The following GSE1 variants were observed in gnomAD, a reference collection of about 807,000 sequenced individuals.
The protein encoded by GSE1 is Gse1 coiled-coil protein.
GSE1 carries 32 observed loss-of-function variants against 112.6 expected under a neutral mutation model. The ratio of observed to expected loss-of-function variants is 0.28; its 90% CI spans 0.21 to 0.38. The LOEUF (loss-of-function observed/expected upper bound fraction) is 0.38, where lower values mean the gene tolerates loss of function less well. Ranked by LOEUF, GSE1 falls within the 10% of genes least tolerant of loss-of-function variation. GSE1 has a pLI of 1.00. For synonymous variants in GSE1, 1,115 were observed against 735.6 expected, an observed-to-expected ratio of 1.52 and a Z score of -8.35; for missense variants, 2,348 against 1,699.2, an observed-to-expected ratio of 1.38 and a Z score of -6.71.
chr16:85,337,552 G>T (rs12926595), intron 1 of GSE1, among the ~76,000 whole-genome samples: 51 of 139,260 alleles, frequency 3.7e-4, no homozygotes, highest in Middle Eastern at 3.5e-3. Context: ...TGATCCGCCC[G>T]CCTCGGCCTC....
chr16:85,400,556 C>T (rs4493033), intron 2 of GSE1, among the ~76,000 whole-genome samples: 142,119 of 151,026 alleles, frequency 0.94, 67,203 homozygotes, highest in Non-Finnish European at 1. Flanking sequence ...GTGTGTGTTG[C>T]GTGTGGTTGT....
At chr16:85,443,144 G>A (rs72798954) in intron 2 of GSE1, among the ~76,000 whole-genome samples, 25,886 of 152,216 alleles carry the variant, frequency 0.17, 2,888 homozygotes, top group Non-Finnish European at 0.24. Flanking sequence ...AAGGTTTGAG[G>A]TGGAAGTGAA....
chr16:85,177,158 G>A (rs192986152), intron 1 of GSE1, among the ~76,000 whole-genome samples: 66 of 152,318 alleles, frequency 4.3e-4, no homozygotes, highest in Non-Finnish European at 8.4e-4. Flanking sequence ...TTCAAAACTC[G>A]GCCTCCCCTG....
At position 85,309,628 on chromosome 16, in the gene GSE1, G is replaced by A. The variant is rs1040234189; in HGVS notation, c.2284-47835G>A. ...GCCCACCCCCCGGATCTGGCCGGGA[G>A]CAGCTTCCACAGTGCCAGGACCTGT... On this transcript the variant is annotated intron_variant, in intron 1 of 2. Transcript: ENST00000637419. 2.0e-5 allele frequency among the ~76,000 whole-genome samples: 3 copies of A among 152,264 alleles called. No individual in the cohort carries two copies. In the East Asian group the frequency reaches 5.8e-4, roughly 29 times the overall value.
intron 1 of GSE1, among the ~76,000 whole-genome samples, chr16:85,336,459 C>T (rs773340121): frequency 3.9e-5 from 6 of 152,176 alleles, no homozygotes; most frequent in Non-Finnish European, 7.3e-5. Context: ...ATCAGAGGTG[C>T]AGGATTAGGC....
intron 2 of GSE1, among the ~76,000 whole-genome samples, chr16:85,488,914 G>C (rs1282122838): frequency 2.6e-5 from 4 of 152,130 alleles, no homozygotes; most frequent in Admixed American, 2.6e-4. Context: ...CCGGGGGTCA[G>C]ATTTGGGATG....
Position 85,663,365 on chromosome 16 carries a change from T to G in GSE1, c.2395T>G (p.Phe799Val). 6.2e-7 allele frequency: 1 copy of G among 1,613,842 alleles called. No homozygotes were observed. Reference sequence around the variant, plus strand: ...CTAGAAGCTAGAGTTTTTGCAACTTTTTGGCTTGACCACCCAACAGCAGAA... The same window carrying G: ...CTAGAAGCTAGAGTTTTTGCAACTTGTTGGCTTGACCACCCAACAGCAGAA... ...SSEKLEFLQLFGLTTQQQKEE... is the reference protein window; with the variant it reads ...SSEKLEFLQLVGLTTQQQKEE... The change falls in exon 11 of 16, where the codon TTT becomes GTT. Residue 799 changes from phenylalanine to valine, a missense_variant. By Grantham distance (50) the Phe-to-Val change is conservative. Transcript: ENST00000253458.
chr16:85,481,721 A>G (rs2050686647), intron 2 of GSE1, among the ~76,000 whole-genome samples: 1 of 152,190 alleles, frequency 6.6e-6, no homozygotes, highest in South Asian at 2.1e-4. Flanking sequence ...CTGCCGCCAG[A>G]GCAAATGCAT....
chr16:85,443,982 CT>C (rs67916368), intron 2 of GSE1, among the ~76,000 whole-genome samples: 1,870 of 77,552 alleles, frequency 0.024, 24 homozygotes, highest in African/African-American at 0.092. Flanking sequence ...CAAGGGGGCG[CT>C]TTTTTTTTTT....
At chr16:85,171,914 C>A in intron 1 of GSE1, 1 of 614,542 alleles carries the variant, frequency 1.6e-6, no homozygotes, top group Non-Finnish European at 2.0e-6. Context: ...GGAGTTTTCA[C>A]TGGTTCTGTG....
intron 1 of GSE1, among the ~76,000 whole-genome samples, chr16:85,252,272 G>A (rs1906571770): frequency 6.6e-6 from 1 of 152,094 alleles, no homozygotes; most frequent in Non-Finnish European, 1.5e-5. Context: ...GCGATCACCC[G>A]GCCTGGCTCT....
chr16:85,662,631 T>G (rs960772296), intron 9 of GSE1: 6 of 247,368 alleles, frequency 2.4e-5, no homozygotes, highest in East Asian at 9.6e-5. Flanking sequence ...GGCCACAGCA[T>G]GGGGGAGTGC....
intron 1 of GSE1, among the ~76,000 whole-genome samples, chr16:85,344,057 G>T (rs770485995): frequency 1.3e-5 from 2 of 152,216 alleles, no homozygotes; most frequent in Non-Finnish European, 2.9e-5. Context: ...CAGCGGCTGT[G>T]CTGAGGACGC....
intron 1 of GSE1, among the ~76,000 whole-genome samples, chr16:85,625,735 G>A (rs908064303): frequency 3.9e-5 from 6 of 152,182 alleles, no homozygotes; most frequent in African/African-American, 7.2e-5. Context: ...CGTGGGGCTC[G>A]GGCAGAATAT....
At chr16:85,362,233 G>A (rs911755920) in intron 2 of GSE1, among the ~76,000 whole-genome samples, 3 of 152,228 alleles carry the variant, frequency 2.0e-5, no homozygotes, top group African/African-American at 7.2e-5. Flanking sequence ...GGGCGGGTGA[G>A]CAGTTGAGCT....
At chr16:85,291,296 C>T (rs1314926207) in intron 1 of GSE1, among the ~76,000 whole-genome samples, 1 of 152,212 alleles carries the variant, frequency 6.6e-6, no homozygotes, top group East Asian at 1.9e-4. Context: ...CCCTCCTCCT[C>T]CCTGTCCCAA....
intron 2 of GSE1, among the ~76,000 whole-genome samples, chr16:85,478,709 C>T (rs1295313886): frequency 2.6e-5 from 4 of 151,420 alleles, no homozygotes; most frequent in African/African-American, 9.7e-5. Context: ...GCTCTGTCGC[C>T]CAGGCTGGAG....
At chr16:85,641,606 C>T (rs2050455331) in intron 2 of GSE1, among the ~76,000 whole-genome samples, 1 of 152,262 alleles carries the variant, frequency 6.6e-6, no homozygotes, top group Non-Finnish European at 1.5e-5. Flanking sequence ...GCCTGCTGTC[C>T]CGTGTACCAG....
At chr16:85,338,610 G>T (rs978178265) in intron 1 of GSE1, among the ~76,000 whole-genome samples, 1 of 152,236 alleles carries the variant, frequency 6.6e-6, no homozygotes, top group African/African-American at 2.4e-5. Flanking sequence ...TAATTAAGGG[G>T]TTACCATCAG....
Sources: allele counts gnomAD v4.1 joint callset (sites outside exome capture counted in the v4.1 genomes callset), GRCh38; gene constraint gnomAD v4.1.1; transcripts MANE v1.5; gene names NCBI Gene and HGNC (gene_info 2026-07-23, HGNC 2026-07-21).